Variants in AUTS2 observed in about 807,000 individuals in gnomAD.
AUTS2 encodes the protein activator of transcription and developmental regulator AUTS2.
A neutral mutation model predicts 112.4 loss-of-function variants in AUTS2; 17 were observed. The ratio of observed to expected loss-of-function variants is 0.15; its 90% CI spans 0.10 to 0.23. AUTS2 has a LOEUF of 0.23. Ranked by LOEUF, AUTS2 falls within the 10% of genes least tolerant of loss-of-function variation. The probability of loss-of-function intolerance (pLI) is 1.00; values close to 1 mark genes in which losing one functional copy is unlikely to be tolerated. For synonymous variants in AUTS2, 751 were observed against 702.7 expected, an observed-to-expected ratio of 1.07 and a Z score of -1.09; for missense variants, 1,510 against 1,701.6, an observed-to-expected ratio of 0.89 and a Z score of 1.98.
intron 4 of AUTS2, among the ~76,000 whole-genome samples, chr7:70,155,388 C>T (rs1002479167): frequency 1.2e-4 from 18 of 151,508 alleles, no homozygotes; most frequent in African/African-American, 3.9e-4. Flanking sequence ...ACTGCATGGG[C>T]TCTTGAATGT....
chr7:70,340,057 C>T (rs894071647), intron 4 of AUTS2, among the ~76,000 whole-genome samples: 3 of 151,856 alleles, frequency 2.0e-5, no homozygotes, highest in African/African-American at 7.3e-5. Context: ...ATTACCTTAT[C>T]CTCTGAGGTC....
chr7:69,872,083 G>A (rs1230984650), intron 1 of AUTS2, among the ~76,000 whole-genome samples: 2 of 152,170 alleles, frequency 1.3e-5, no homozygotes, highest in Non-Finnish European at 2.9e-5. Context: ...ACAAAACAAA[G>A]TTCAAAGATA....
chr7:69,967,977 G>A (rs527320854), intron 2 of AUTS2, among the ~76,000 whole-genome samples: 21 of 152,280 alleles, frequency 1.4e-4, no homozygotes, highest in African/African-American at 5.1e-4. Flanking sequence ...CTCTTTGCTT[G>A]CAATCTGACG....
intron 6 of AUTS2, among the ~76,000 whole-genome samples, chr7:70,701,048 C>T (rs560967973): frequency 6.6e-6 from 1 of 152,366 alleles, no homozygotes; most frequent in African/African-American, 2.4e-5. Context: ...GGGGAGCTGA[C>T]ACGTGTATCC....
chr7:69,724,124 G>A lies in AUTS2; in HGVS notation c.309+124162G>A, dbSNP rs1253056992. Reference sequence around the variant, plus strand: ...AAATCACCGAACTGGGAGAGAGTCAGACTACCTCGGGTGTGACCTTTGCCC... The same window carrying A: ...AAATCACCGAACTGGGAGAGAGTCAAACTACCTCGGGTGTGACCTTTGCCC... On this transcript the variant is annotated intron_variant, in intron 1 of 18. Transcript: ENST00000342771. Among the ~76,000 whole-genome samples the A allele has an allele frequency of 2.6e-5, 4 of 152,184 alleles. No homozygotes were observed. The South Asian group carries it at 8.3e-4, about 32-fold the overall frequency.
At chr7:70,450,412 C>G (rs999367614) in intron 5 of AUTS2, among the ~76,000 whole-genome samples, 2 of 152,142 alleles carry the variant, frequency 1.3e-5, no homozygotes, top group Admixed American at 6.5e-5. Flanking sequence ...ATAGATGTTA[C>G]TAGGTAGCAA....
chr7:70,679,305 C>T (rs923398279), intron 5 of AUTS2, among the ~76,000 whole-genome samples: 4 of 152,162 alleles, frequency 2.6e-5, no homozygotes, highest in Non-Finnish European at 4.4e-5. Context: ...AAGCCAGGAA[C>T]GTTGTGGCCC....
At chr7:69,988,255 T>A (rs1213735576) in intron 2 of AUTS2, among the ~76,000 whole-genome samples, 1 of 152,192 alleles carries the variant, frequency 6.6e-6, no homozygotes, top group African/African-American at 2.4e-5. Flanking sequence ...TCTAAAAAGA[T>A]GAGTTTGGTA....
intron 1 of AUTS2, among the ~76,000 whole-genome samples, chr7:69,867,775 C>T (rs952162108): frequency 1.3e-5 from 2 of 152,148 alleles, no homozygotes; most frequent in African/African-American, 4.8e-5. Context: ...GTGTCACCCT[C>T]CCTCTCTCCC....
intron 6 of AUTS2, among the ~76,000 whole-genome samples, chr7:70,727,299 C>T (rs1456957631): frequency 6.6e-6 from 1 of 152,176 alleles, no homozygotes; most frequent in Non-Finnish European, 1.5e-5. Context: ...GCAAAAGGGA[C>T]CACAGCCGTG....
chr7:69,913,700 A>C (rs1255551886), intron 2 of AUTS2, among the ~76,000 whole-genome samples: 1 of 152,100 alleles, frequency 6.6e-6, no homozygotes. Flanking sequence ...ACATATGATC[A>C]TATTATTCCC....
At chr7:70,491,864 C>T (rs1378295139) in intron 5 of AUTS2, among the ~76,000 whole-genome samples, 2 of 152,108 alleles carry the variant, frequency 1.3e-5, no homozygotes, top group African/African-American at 4.8e-5. Flanking sequence ...ATCCGCCCGC[C>T]TCGGCCTCCC....
chr7:70,023,185 T>A (rs928531568), intron 2 of AUTS2, among the ~76,000 whole-genome samples: 3 of 152,230 alleles, frequency 2.0e-5, no homozygotes, highest in Non-Finnish European at 2.9e-5. Flanking sequence ...CATAAGTGTG[T>A]GTTTTATAAG....
At chr7:69,982,315 G>C (rs548775739) in intron 2 of AUTS2, among the ~76,000 whole-genome samples, 1 of 152,282 alleles carries the variant, frequency 6.6e-6, no homozygotes, top group South Asian at 2.1e-4. Flanking sequence ...TCTCTCAGGG[G>C]ACTGAAGCAG....
intron 9 of AUTS2, among the ~76,000 whole-genome samples, chr7:70,767,334 G>A (rs1790006768): frequency 6.6e-6 from 1 of 152,042 alleles, no homozygotes; most frequent in Non-Finnish European, 1.5e-5. Context: ...TTAGCAATGA[G>A]GCCTTGTGAC....
At chr7:69,682,717 T>A (rs2533449) in intron 1 of AUTS2, among the ~76,000 whole-genome samples, 1 of 152,008 alleles carries the variant, frequency 6.6e-6, no homozygotes, top group East Asian at 1.9e-4. Flanking sequence ...GTTCTGTTAC[T>A]TAATACAGAG....
At chr7:70,206,427 T>C (rs1456200487) in intron 4 of AUTS2, among the ~76,000 whole-genome samples, 1 of 152,136 alleles carries the variant, frequency 6.6e-6, no homozygotes, top group Non-Finnish European at 1.5e-5. Context: ...TCCATAAGTA[T>C]AGATAATTGA....
intron 4 of AUTS2, among the ~76,000 whole-genome samples, chr7:70,139,192 C>T (rs1806723886): frequency 6.6e-6 from 1 of 152,168 alleles, no homozygotes; most frequent in Non-Finnish European, 1.5e-5. Flanking sequence ...GTCTTGAACT[C>T]CTGGGCTCAA....
chr7:70,281,203 T>C (rs1788199251), intron 4 of AUTS2, among the ~76,000 whole-genome samples: 1 of 152,212 alleles, frequency 6.6e-6, no homozygotes, highest in African/African-American at 2.4e-5. Flanking sequence ...AAAGTTAAGC[T>C]TTTTATCCCT....
Sources: gnomAD v4.1 joint callset for allele counts (sites outside exome capture counted in the v4.1 genomes callset) on GRCh38, gnomAD v4.1.1 for gene constraint, MANE v1.5 for transcripts, NCBI Gene and HGNC (gene_info 2026-07-23, HGNC 2026-07-21) for gene names.